CROCC2: variants seen among roughly 807,000 people sequenced by gnomAD.
CROCC2 encodes the protein ciliary rootlet coiled-coil protein 2.
Under a neutral mutation model 177.6 loss-of-function variants are expected in CROCC2, and 163 were observed. The observed-to-expected ratio is 0.92, with a 90% CI of 0.81 to 1.05. The LOEUF is 1.05. Ranked by LOEUF, CROCC2 falls within the 50% of genes least tolerant of loss-of-function variation. The pLI, the probability that CROCC2 is intolerant of heterozygous loss-of-function variation, is 0.00. For synonymous variants in CROCC2, 904 were observed against 787.3 expected (o/e 1.15, Z -2.48); for missense variants, 1,929 against 1,797.8 (o/e 1.07, Z -1.32).
chr2:240,946,684 G>A (rs2059526730), intron 15 of CROCC2, among the ~76,000 whole-genome samples: 1 of 152,226 alleles, frequency 6.6e-6, no homozygotes, highest in South Asian at 2.1e-4. Context: ...CTTACTCTGA[G>A]AGGTGGCAAG....
intron 20 of CROCC2, 111 bp from the exon 21 acceptor site, chr2:240,963,445 T>G: frequency 8.6e-7 from 1 of 1,158,052 alleles, no homozygotes; most frequent in African/African-American, 1.6e-5. Context: ...GGGGACCAAG[T>G]TGGGCAGGGC....
At chr2:240,983,693 C>T (rs907804594) in intron 28 of CROCC2, 4 of 1,154,130 alleles carry the variant, frequency 3.5e-6, no homozygotes, top group Admixed American at 4.7e-5. Context: ...CACCTGCCGG[C>T]GGGGTGGCAC....
chr2:240,935,994 G>A (rs1156610051), intron 14 of CROCC2, among the ~76,000 whole-genome samples: 1 of 150,910 alleles, frequency 6.6e-6, no homozygotes, highest in African/African-American at 2.4e-5. Flanking sequence ...ATCTTTTGTT[G>A]AGGAAGCTCA....
Position 240,982,946 on chromosome 2 carries a change from C to G in CROCC2, c.4468C>G (p.Gln1490Glu). ...SRRHSQGLAK[Q>E]GKLLEEQLTN... ...GAGGCACAGCCAAGGTCTGGCCAAG[C>G]AGGGGAAGCTGCTGGAAGAACAGCT... The change falls in exon 28 of 32, where the codon CAG becomes GAG. Residue 1490 changes from glutamine to glutamate, a missense_variant. By Grantham distance (29) the Gln-to-Glu change is conservative. Coordinates refer to ENST00000690015, the MANE Select transcript of CROCC2 (RefSeq NM_001351305.2). This position sits in a 1 kb window ranked among gnomAD's most constrained non-coding sequence, Gnocchi z 4.7. 2 of 1,550,418 alleles carry G rather than the reference C, an allele frequency of 1.3e-6. No homozygotes were observed. Among genetic ancestry groups the G allele is most frequent in the Non-Finnish European group, 1.7e-6 (2 of 1,146,962 alleles).
rs780694903 is a variant in CROCC2, at chr2:240,918,907, G to C, written c.229+31G>C. The C allele has an allele frequency of 3.0e-4, 199 of 663,952 alleles. No individual in the cohort carries two copies. The highest frequency in any genetic ancestry group is 4.0e-4 in the Admixed American group (17 of 42,690). 41.1% of individuals were successfully genotyped at this position (663,952 alleles called of 1,614,324 possible). ...GGTGTGGGGGACAGTCCTGGGCCCG[G>C]GGCTGGCCAAGGTGACGGCGTGGGG... is the stretch of plus-strand genomic sequence containing the variant. On this transcript the variant is annotated intron_variant, in intron 2 of 31. Transcript: ENST00000690015. This position sits in a 1 kb window ranked among gnomAD's most constrained non-coding sequence, Gnocchi z 6.3.
In CROCC2 at chr2:240,988,757, A is replaced by C; in HGVS notation, c.4570A>C (p.Lys1524Gln). ...PLRQMEQETL[K>Q]REEDVARLGA... ...TCTGCAGATGGAGCAAGAGACACTG[A>C]AGAGGGAGGAGGATGTGGCGAGGCT... The change falls in exon 29 of 32, where the codon AAG (lysine) becomes CAG (glutamine). Residue 1524 changes from lysine to glutamine, a missense_variant. This residue lies in a region of CROCC2 where 388 missense variants were observed against 352.7 expected (regional missense o/e 1.10). Transcript: ENST00000690015. 1 of 1,488,022 alleles carries C rather than the reference A, an allele frequency of 6.7e-7. No homozygotes were observed. Among genetic ancestry groups the C allele is most frequent in the Non-Finnish European group, 9.0e-7 (1 of 1,111,584 alleles). 92.2% of individuals were successfully genotyped at this position (1,488,022 alleles called of 1,614,324 possible). A position where few individuals can be genotyped will look rare whatever the true frequency, so the allele number is the denominator to read the frequency against.
In CROCC2 at chr2:240,964,065, T is replaced by G; in HGVS notation, c.3305+292T>G. 4 of 559,076 alleles carry G rather than the reference T, an allele frequency of 7.2e-6. No individual in the cohort carries two copies. The South Asian group carries it at 8.8e-5, about 12-fold the overall frequency. The allele number at this position is 559,076 out of a possible 1,614,324, so 34.6% of individuals were successfully genotyped here. A position where few individuals can be genotyped will look rare whatever the true frequency, so the allele number is the denominator to read the frequency against. ...TGGCCTCCAGGAGGTGGTGCAGAGC[T>G]GGGGAGCAGAGGGAGGCCAACGGCC... On this transcript the variant is annotated intron_variant, in intron 21 of 31. Transcript: ENST00000690015.
At position 240,965,626 on chromosome 2, in the gene CROCC2, C is replaced by T; in HGVS notation, c.3604-10C>T. On this transcript the variant is annotated splice_polypyrimidine_tract_variant and intron_variant, in intron 23 of 31. Coordinates refer to ENST00000690015, the MANE Select transcript of CROCC2 (RefSeq NM_001351305.2). The stretch of plus-strand genomic sequence containing the variant: ...TCTCCCACGGGCGCACCCCAACATC[C>T]CTCCTACAGGTCCTGGGATTGCAGA... 1.3e-6 allele frequency: 2 copies of T among 1,550,422 alleles called. No individual in the cohort carries two copies. Among genetic ancestry groups the T allele is most frequent in the Non-Finnish European group, 1.7e-6 (2 of 1,146,870 alleles).
chr2:240,933,440 G>C (rs2059447311), intron 10 of CROCC2, 98 bp downstream of exon 10: 1 of 1,298,738 alleles, frequency 7.7e-7, no homozygotes, highest in Non-Finnish European at 1.0e-6. Context: ...AGCTGGAGGG[G>C]TTGCCAGCCG....
chr2:240,931,968 A>T (rs1467228280), intron 7 of CROCC2, among the ~76,000 whole-genome samples: 2 of 152,226 alleles, frequency 1.3e-5, no homozygotes, highest in African/African-American at 4.8e-5. Context: ...TTGTTAGACT[A>T]ATGGTGACAG....
intron 26 of CROCC2, 166 bp downstream of exon 26, chr2:240,967,631 C>A: frequency 1.0e-6 from 1 of 958,672 alleles, no homozygotes; most frequent in Non-Finnish European, 1.2e-6. Flanking sequence ...GCTGGGTCAG[C>A]GCTTGGCATC....
chr2:240,952,303 G>A (rs2059561543), intron 18 of CROCC2, among the ~76,000 whole-genome samples: 3 of 115,774 alleles, frequency 2.6e-5, no homozygotes, highest in African/African-American at 3.7e-5. Context: ...CTGAGATCCA[G>A]ATACTCCTTC....
intron 14 of CROCC2, among the ~76,000 whole-genome samples, chr2:240,942,928 TG>T (rs1455918018): frequency 2.6e-5 from 4 of 152,228 alleles, no homozygotes; most frequent in Non-Finnish European, 5.9e-5. Flanking sequence ...GACTGTCAGC[TG>T]CTATTTTTTT....
At position 240,991,279 on chromosome 2, in the gene CROCC2, G is replaced by A; in HGVS notation, c.4946+1G>A. On this transcript the variant is annotated splice_donor_variant, in intron 31 of 31. Transcript: ENST00000690015. LOFTEE classifies it high-confidence loss of function. ...TCGGCCAGGCCTTCCAGACAGGACA[G>A]TGAGCCCTGCTGCATACCACCCAGC... The A allele has an allele frequency of 6.5e-7, 1 of 1,547,620 alleles. No individual in the cohort carries two copies. Among genetic ancestry groups the A allele is most frequent in the Non-Finnish European group, 8.7e-7 (1 of 1,145,392 alleles).
At position 240,935,416 on chromosome 2, in the gene CROCC2, C is replaced by T. The variant is rs769136586; in HGVS notation, c.1997C>T (p.Ala666Val). 284 of 1,377,764 alleles carry T rather than the reference C, an allele frequency of 2.1e-4. No homozygotes were observed. The highest frequency in any genetic ancestry group is 2.6e-4 in the Non-Finnish European group (275 of 1,060,370). The allele number at this position is 1,377,764 out of a possible 1,614,324, so 85.3% of individuals were successfully genotyped here. ...EQRKTLEQER[A>V]RAGEQLAQAE... ...CGGAAGACTCTGGAGCAGGAACGGG[C>T]CCGGGCCGGGGAGCAGCTGGCACAG... Residue 666 changes from alanine (A) to valine (V), a missense_variant, in exon 14 of 32, where the codon GCC becomes GTC. This residue lies in a region of CROCC2 where 1,397 missense variants were observed against 1,239.9 expected (regional missense o/e 1.13). Transcript: ENST00000690015.
intron 31 of CROCC2, among the ~76,000 whole-genome samples, chr2:240,992,839 C>T (rs532629085): frequency 6.6e-6 from 1 of 152,354 alleles, no homozygotes; most frequent in Non-Finnish European, 1.5e-5. Context: ...CATGTCCCTT[C>T]CCTGCCTTCC....
chr2:240,952,940 G>A (rs917868850), intron 18 of CROCC2, among the ~76,000 whole-genome samples: 64 of 152,132 alleles, frequency 4.2e-4, no homozygotes, highest in African/African-American at 1.5e-3. Context: ...TTGGATATAT[G>A]AGAAAAGAGG....
At position 240,973,532 on chromosome 2, in the gene CROCC2, C is replaced by T. The variant is rs1295573469; in HGVS notation, c.4401+5270C>T. Among the ~76,000 whole-genome samples the T allele has an allele frequency of 6.6e-6, 1 of 152,128 alleles. No individual in the cohort carries two copies. The highest frequency in any genetic ancestry group is 1.5e-5 in the Non-Finnish European group (1 of 68,028). ...CCCAGGCCTCCTTCCCCCACTGTGCCCACGTGCCACACCCACCCCCCCAGC... is the reference window on the plus strand; with the variant it reads ...CCCAGGCCTCCTTCCCCCACTGTGCTCACGTGCCACACCCACCCCCCCAGC... On this transcript the variant is annotated intron_variant, in intron 27 of 31. Transcript: ENST00000690015. This position sits in a 1 kb window ranked among gnomAD's most constrained non-coding sequence, Gnocchi z 4.7.
At chr2:240,964,712 G>A (rs2059666811) in intron 22 of CROCC2, 87 bp downstream of exon 22, 1 of 1,435,840 alleles carries the variant, frequency 7.0e-7, no homozygotes, top group Non-Finnish European at 9.3e-7. Flanking sequence ...CCCCAGCCCT[G>A]GCCTTGCTGC....
Sources: gnomAD v4.1 joint callset for allele counts (sites outside exome capture counted in the v4.1 genomes callset) on GRCh38, gnomAD v4.1.1 for gene constraint, gnomAD v4.1.1 regional missense constraint, Gnocchi (gnomAD v3.1) non-coding constraint, MANE v1.5 for transcripts, NCBI Gene and HGNC (gene_info 2026-07-23, HGNC 2026-07-21) for gene names.